XRN2: variants seen among roughly 807,000 people sequenced by gnomAD.
XRN2 encodes DHM1-like protein.
A neutral mutation model predicts 138.5 loss-of-function variants in XRN2; 44 were observed. The observed-to-expected ratio is 0.32, with a 90% CI of 0.25 to 0.41. The LOEUF is 0.41. Among genes scored for constraint, XRN2 ranks in the 10% least tolerant of loss-of-function variants. The probability of loss-of-function intolerance (pLI) is 1.00; values close to 1 mark genes in which losing one functional copy is unlikely to be tolerated. For synonymous variants in XRN2, 354 were observed against 369.4 expected, an observed-to-expected ratio of 0.96 and a Z score of 0.48; for missense variants, 937 against 1,169.3, an observed-to-expected ratio of 0.80 and a Z score of 2.90.
At chr20:21,381,361 C>CA (rs1277501629) in intron 27 of XRN2, among the ~76,000 whole-genome samples, 2 of 152,108 alleles carry the variant, frequency 1.3e-5, no homozygotes, top group African/African-American at 2.4e-5. Flanking sequence ...CTATATCCGT[C>CA]AGTTTATGTA....
At chr20:21,375,810 T>TTTTA (rs1467384545) in intron 27 of XRN2, among the ~76,000 whole-genome samples, 1 of 146,898 alleles carries the variant, frequency 6.8e-6, no homozygotes, top group Admixed American at 6.7e-5. Context: ...TACCAGGTGT[T>TTTTA]TTTATTTATT....
At chr20:21,308,447 C>T (rs1860963725) in intron 1 of XRN2, among the ~76,000 whole-genome samples, 1 of 151,864 alleles carries the variant, frequency 6.6e-6, no homozygotes, top group Non-Finnish European at 1.5e-5. Flanking sequence ...TTTTTTCAAA[C>T]TGGTTGTGCC....
At chr20:21,304,977 G>C (rs2037795471) in intron 1 of XRN2, among the ~76,000 whole-genome samples, 1 of 150,682 alleles carries the variant, frequency 6.6e-6, no homozygotes, top group East Asian at 2.0e-4. Flanking sequence ...GTTATGTACT[G>C]TGATTTTGTT....
In XRN2 at chr20:21,333,999, G is replaced by C. The variant is rs769256499; in HGVS notation, c.1125+5G>C. 1 of 1,614,098 alleles carries C rather than the reference G, an allele frequency of 6.2e-7. No individual in the cohort carries two copies. Among genetic ancestry groups the C allele is most frequent in the Non-Finnish European group, 8.5e-7 (1 of 1,179,976 alleles). ...AATGTGGTACACAAAACTGGGGTAA[G>C]TTCATTCTTGAATGATTTCAAAACA... On this transcript the variant is annotated splice_donor_5th_base_variant and intron_variant, in intron 12 of 29. Coordinates refer to ENST00000377191, the MANE Select transcript of XRN2 (RefSeq NM_012255.5).
intron 19 of XRN2, 25 bp downstream of exon 19, chr20:21,348,455 T>C (rs2038466232): frequency 6.3e-7 from 1 of 1,593,272 alleles, no homozygotes; most frequent in Non-Finnish European, 8.6e-7. Flanking sequence ...TTTGAGTGTG[T>C]GGGTGACAGG....
intron 13 of XRN2, among the ~76,000 whole-genome samples, chr20:21,338,248 C>T (rs2038323278): frequency 6.6e-6 from 1 of 152,164 alleles, no homozygotes; most frequent in African/African-American, 2.4e-5. Context: ...ATTTCAGTTC[C>T]TTGATACTCA....
chr20:21,343,095 T>A (rs1183855651), intron 15 of XRN2, among the ~76,000 whole-genome samples: 2 of 152,172 alleles, frequency 1.3e-5, no homozygotes, highest in Non-Finnish European at 2.9e-5. Flanking sequence ...ATACTCTAAT[T>A]ATTATATCAT....
At chr20:21,375,829 T>TATTTA (rs59239603) in intron 27 of XRN2, among the ~76,000 whole-genome samples, 11,513 of 135,838 alleles carry the variant, frequency 0.085, 590 homozygotes, top group East Asian at 0.15. Flanking sequence ...TTTATTTATT[T>TATTTA]TTTATTTATT....
intron 20 of XRN2, 138 bp downstream of exon 20, chr20:21,349,599 C>CACCACGCCAGGCTAATT: frequency 1.4e-6 from 1 of 728,072 alleles, no homozygotes; most frequent in Non-Finnish European, 2.2e-6. Flanking sequence ...AAAAATTAGC[C>CACCACGCCAGGCTAATT]TGGCGTGGTG....
rs1403683907 is a variant in XRN2 at position 21,305,798 on chromosome 20, T to G, written c.75+2325T>G. On this transcript the variant is annotated intron_variant, in intron 1 of 29. Transcript: ENST00000377191. The stretch of plus-strand genomic sequence containing the variant: ...CCTCGCTCTGTCTCCCAGGCTGGAG[T>G]GCAGTGGCTCAATCAATCTCGGCTC... Among the ~76,000 whole-genome samples the G allele has an allele frequency of 3.1e-5, 2 of 64,736 alleles. 1 individual carries two copies. Among genetic ancestry groups the G allele is most frequent in the Non-Finnish European group, 7.0e-5 (2 of 28,624 alleles). 42.5% of individuals were successfully genotyped at this position (64,736 alleles called of 152,430 possible).
chr20:21,352,285 G>A (rs2038519195), intron 20 of XRN2, among the ~76,000 whole-genome samples: 1 of 151,648 alleles, frequency 6.6e-6, no homozygotes, highest in Admixed American at 6.6e-5. Flanking sequence ...AACTATATCT[G>A]GATACGTCAA....
chr20:21,349,300 C>A, intron 19 of XRN2, 89 bp from the exon 20 acceptor site: 1 of 920,386 alleles, frequency 1.1e-6, no homozygotes. Context: ...CTCATCAGAC[C>A]TTATAACTTG....
intron 15 of XRN2, 59 bp from the exon 16 acceptor site, chr20:21,344,031 C>G (rs2038404861): frequency 9.2e-6 from 12 of 1,308,248 alleles, no homozygotes; most frequent in African/African-American, 1.5e-5. Flanking sequence ...GTTGGATGTA[C>G]CTTCTTATGT....
intron 17 of XRN2, among the ~76,000 whole-genome samples, chr20:21,347,076 G>T (rs1007043972): frequency 2.0e-5 from 3 of 152,146 alleles, no homozygotes; most frequent in African/African-American, 7.2e-5. Context: ...GCTAATTTTT[G>T]TTAAAAGTAT....
intron 1 of XRN2, among the ~76,000 whole-genome samples, chr20:21,312,759 A>G (rs2037900496): frequency 6.6e-6 from 1 of 152,052 alleles, no homozygotes; most frequent in African/African-American, 2.4e-5. Flanking sequence ...AGTGTGCACC[A>G]TGACGCCTGG....
Position 21,380,139 on chromosome 20 carries a change from C to T in XRN2, c.2585-1855C>T, listed in dbSNP as rs1004463481. On this transcript the variant is annotated intron_variant, in intron 27 of 29. Coordinates refer to ENST00000377191, the MANE Select transcript of XRN2 (RefSeq NM_012255.5). ...AAAAGGGGTATGTTTCCAGGGTAAC[C>T]GCAGTGATTCCAGGGGATGTGAAGT... Among the ~76,000 whole-genome samples the T allele has an allele frequency of 3.9e-5, 6 of 152,148 alleles. No individual in the cohort carries two copies. In the South Asian group the frequency reaches 6.2e-4, roughly 16 times the overall value.
rs978080693 is a variant in XRN2 at position 21,364,133 on chromosome 20, G to C, written c.2256-1288G>C. Reference sequence around the variant, plus strand: ...TTTTTAGTAGAGATGGGGTTTCACTGTGTTAGCCAGGATGGTCTCGATCTC... The same window carrying C: ...TTTTTAGTAGAGATGGGGTTTCACTCTGTTAGCCAGGATGGTCTCGATCTC... On this transcript the variant is annotated intron_variant, in intron 24 of 29. Coordinates refer to ENST00000377191, the MANE Select transcript of XRN2 (RefSeq NM_012255.5). 7.9e-5 allele frequency among the ~76,000 whole-genome samples: 12 copies of C among 152,146 alleles called. No individual in the cohort carries two copies. The East Asian group carries it at 2.1e-3, about 27-fold the overall frequency.
chr20:21,348,057 A>C, intron 17 of XRN2, 89 bp from the exon 18 acceptor site: 1 of 1,000,892 alleles, frequency 1.0e-6, no homozygotes, highest in Non-Finnish European at 1.4e-6. Flanking sequence ...AGAATATTAT[A>C]GGTTAACAGT....
intron 14 of XRN2, among the ~76,000 whole-genome samples, 189 bp downstream of exon 14, chr20:21,339,277 A>C (rs1412570548): frequency 1.3e-5 from 2 of 152,188 alleles, no homozygotes; most frequent in East Asian, 3.8e-4. Flanking sequence ...CTAGGCTCTG[A>C]TGTCTGAAGG....
Sources: gnomAD v4.1 joint callset for allele counts (sites outside exome capture counted in the v4.1 genomes callset) on GRCh38, gnomAD v4.1.1 for gene constraint, MANE v1.5 for transcripts, NCBI Gene and HGNC (gene_info 2026-07-23, HGNC 2026-07-21) for gene names.